The following GLG1 variants were observed in gnomAD, a reference collection of about 807,000 sequenced individuals.
GLG1 encodes Golgi apparatus protein 1.
Under a neutral mutation model 160.5 loss-of-function variants are expected in GLG1, and 38 were observed. The observed-to-expected ratio is 0.24, with a 90% CI of 0.18 to 0.31. GLG1 has a LOEUF of 0.31. Ranked by LOEUF, GLG1 falls within the 10% of genes least tolerant of loss-of-function variation. The pLI is 1.00. For missense variants in GLG1, 1,373 were observed against 1,505.2 expected, an observed-to-expected ratio of 0.91 and a Z score of 1.45; for synonymous variants, 644 against 543.4, an observed-to-expected ratio of 1.19 and a Z score of -2.57.
rs201693911 is a variant in GLG1 at position 74,529,809 on chromosome 16, G to GTTTTTTTTTTTTTTTTTTTTTTT, written c.471+2311_471+2312insAAAAAAAAAAAAAAAAAAAAAAA. ...CTTCCTATTCCTTGGCTCTTTGAGA[G>GTTTTTTTTTTTTTTTTTTTTTTT]TTCTTTTTTTTTTTTTTTTTTTTTT... On this transcript the variant is annotated intron_variant, in intron 2 of 25. Coordinates refer to ENST00000422840, the MANE Select transcript of GLG1 (RefSeq NM_001145667.2). 1.2e-4 allele frequency among the ~76,000 whole-genome samples: 13 copies of GTTTTTTTTTTTTTTTTTTTTTTT among 104,104 alleles called. 4 individuals carry two copies. Among genetic ancestry groups the GTTTTTTTTTTTTTTTTTTTTTTT allele is most frequent in the Non-Finnish European group, 1.3e-4 (7 of 55,544 alleles). The allele number at this position is 104,104 out of a possible 152,430, so 68.3% of individuals were successfully genotyped here. A position where few individuals can be genotyped will look rare whatever the true frequency, so the allele number is the denominator to read the frequency against.
At chr16:74,508,253 T>C (rs1042554949) in intron 3 of GLG1, among the ~76,000 whole-genome samples, 2 of 150,954 alleles carry the variant, frequency 1.3e-5, no homozygotes, top group Admixed American at 6.7e-5. Context: ...CTGTTTTCTC[T>C]GTGATTCTCA....
At chr16:74,497,627 C>T (rs944427031) in intron 4 of GLG1, among the ~76,000 whole-genome samples, 7 of 151,916 alleles carry the variant, frequency 4.6e-5, no homozygotes, top group East Asian at 3.9e-4. Flanking sequence ...TTAATAGAGA[C>T]GGGGTTTCAC....
At chr16:74,480,896 A>C (rs1157617085) in intron 10 of GLG1, among the ~76,000 whole-genome samples, 1 of 152,182 alleles carries the variant, frequency 6.6e-6, no homozygotes, top group Non-Finnish European at 1.5e-5. Context: ...GCACTGTGGG[A>C]GGCCTAGGCA....
chr16:74,470,989 T>A (rs1229977044), intron 15 of GLG1, among the ~76,000 whole-genome samples, 184 bp downstream of exon 15: 2 of 152,000 alleles, frequency 1.3e-5, no homozygotes, highest in Non-Finnish European at 2.9e-5. Context: ...ACTCCTGGCC[T>A]CAAGTGATCC....
intron 7 of GLG1, among the ~76,000 whole-genome samples, chr16:74,491,849 G>A (rs770322028): frequency 6.6e-6 from 1 of 151,094 alleles, no homozygotes; most frequent in Non-Finnish European, 1.5e-5. Context: ...CCGTGGTCTC[G>A]ATCTCCTGAC....
chr16:74,560,095 G>A (rs900554930), intron 1 of GLG1, among the ~76,000 whole-genome samples: 7 of 152,238 alleles, frequency 4.6e-5, no homozygotes, highest in African/African-American at 1.4e-4. Flanking sequence ...TGGGCCACAC[G>A]CGTTTCGCCA....
intron 1 of GLG1, among the ~76,000 whole-genome samples, chr16:74,579,125 G>A (rs1957877900): frequency 6.6e-6 from 1 of 152,148 alleles, no homozygotes; most frequent in Admixed American, 6.5e-5. Flanking sequence ...AGGCTGTAGT[G>A]AGCTATGATC....
At position 74,450,119 on chromosome 16, in the gene GLG1, C is replaced by A. The variant is rs1171112760; in HGVS notation, c.*3048G>T. On this transcript the variant is annotated 3_prime_UTR_variant, in exon 26 of 26. Coordinates refer to ENST00000422840, the MANE Select transcript of GLG1 (RefSeq NM_001145667.2). ...AACTGGTAAGTCCAGATGACAGTGA[C>A]CCAGCTGCTATAACTGTTAGCAAGT... is the stretch of plus-strand genomic sequence containing the variant. 1 of 152,268 alleles carries A rather than the reference C, an allele frequency of 6.6e-6. No homozygotes were observed. Among genetic ancestry groups the A allele is most frequent in the Non-Finnish European group, 1.5e-5 (1 of 68,086 alleles). The allele number at this position is 152,268 out of a possible 1,614,324, so 9.4% of individuals were successfully genotyped here.
intron 1 of GLG1, among the ~76,000 whole-genome samples, chr16:74,547,980 G>C (rs566021877): frequency 6.6e-6 from 1 of 152,308 alleles, no homozygotes; most frequent in East Asian, 1.9e-4. Flanking sequence ...GCCCAGGCTG[G>C]AGCAGAGTGG....
At chr16:74,541,324 C>CAAAAA (rs59761629) in intron 1 of GLG1, among the ~76,000 whole-genome samples, 1 of 71,920 alleles carries the variant, frequency 1.4e-5, no homozygotes, top group African/African-American at 5.9e-5. Flanking sequence ...GCTCTGTCTC[C>CAAAAA]AAAAAAAAAA....
intron 8 of GLG1, among the ~76,000 whole-genome samples, chr16:74,490,512 T>C (rs371850554): frequency 4.2e-4 from 64 of 152,356 alleles, no homozygotes; most frequent in African/African-American, 1.5e-3. Context: ...CTCTTGATCC[T>C]TCAGGCCAGG....
chr16:74,557,886 T>C (rs1008205852), intron 1 of GLG1, among the ~76,000 whole-genome samples: 4 of 151,938 alleles, frequency 2.6e-5, no homozygotes, highest in African/African-American at 7.3e-5. Flanking sequence ...GGCCTGGCCA[T>C]AGAAAGTGTC....
At chr16:74,592,957 C>T (rs1958218023) in intron 1 of GLG1, among the ~76,000 whole-genome samples, 1 of 152,052 alleles carries the variant, frequency 6.6e-6, no homozygotes, top group South Asian at 2.1e-4. Flanking sequence ...TGGATTAATG[C>T]CCTTATCTCC....
intron 3 of GLG1, among the ~76,000 whole-genome samples, chr16:74,506,610 G>GACT (rs2016620790): frequency 2.2e-5 from 1 of 45,896 alleles, no homozygotes; most frequent in Non-Finnish European, 4.9e-5. Context: ...AAAAACTCAA[G>GACT]AGAAACCAGG....
chr16:74,567,878 CT>C (rs1246391762), intron 1 of GLG1, among the ~76,000 whole-genome samples: 1 of 152,196 alleles, frequency 6.6e-6, no homozygotes, highest in Admixed American at 6.5e-5. Flanking sequence ...ATATGGTGCA[CT>C]TTCATTGTCT....
At chr16:74,602,425 T>C (rs766694496) in intron 1 of GLG1, among the ~76,000 whole-genome samples, 1 of 152,208 alleles carries the variant, frequency 6.6e-6, no homozygotes, top group Non-Finnish European at 1.5e-5. Context: ...GCTTGAAGTA[T>C]TTGAAATGAC....
chr16:74,575,212 C>A (rs1291979820), intron 1 of GLG1, among the ~76,000 whole-genome samples: 1 of 151,818 alleles, frequency 6.6e-6, no homozygotes, highest in Non-Finnish European at 1.5e-5. Flanking sequence ...CACCACTGCA[C>A]TCCAGCCTAG....
intron 2 of GLG1, among the ~76,000 whole-genome samples, chr16:74,528,012 G>A (rs1229916513): frequency 1.3e-5 from 2 of 150,390 alleles, no homozygotes; most frequent in African/African-American, 4.9e-5. Context: ...AGCCTCCCGA[G>A]CAGCTGGGAC....
chr16:74,504,101 C>G (rs1419216238), intron 3 of GLG1, among the ~76,000 whole-genome samples: 1 of 152,054 alleles, frequency 6.6e-6, no homozygotes, highest in Non-Finnish European at 1.5e-5. Flanking sequence ...GTCCTTGTAA[C>G]CATGCAAAAA....
Sources: gnomAD v4.1 joint callset for allele counts (sites outside exome capture counted in the v4.1 genomes callset) on GRCh38, gnomAD v4.1.1 for gene constraint, MANE v1.5 for transcripts, NCBI Gene and HGNC (gene_info 2026-07-23, HGNC 2026-07-21) for gene names.